The following NNMT variants were observed in gnomAD, a reference collection of about 807,000 sequenced individuals.
The protein encoded by NNMT is nicotinamide N-methyltransferase.
A neutral mutation model predicts 11.7 loss-of-function variants in NNMT; 10 were observed. The observed-to-expected ratio is 0.85, with a 90% CI of 0.53 to 1.45. The LOEUF is 1.45. Ranked by LOEUF, NNMT falls within the 40% of genes most tolerant of loss-of-function variation. The probability of loss-of-function intolerance (pLI) is 0.00; values close to 1 mark genes in which losing one functional copy is unlikely to be tolerated. For missense variants in NNMT, 381 were observed against 319.4 expected, an observed-to-expected ratio of 1.19 and a Z score of -1.47; for synonymous variants, 143 against 133.8, an observed-to-expected ratio of 1.07 and a Z score of -0.48.
chr11:114,265,881 C>T (rs759173729), intron 2 of NNMT, among the ~76,000 whole-genome samples: 27 of 152,142 alleles, frequency 1.8e-4, no homozygotes, highest in Non-Finnish European at 3.7e-4. Context: ...TCCTTGTCAA[C>T]TTCCTGGTGG....
chr11:114,268,878 G>A (rs1945146355), intron 2 of NNMT, among the ~76,000 whole-genome samples: 1 of 152,034 alleles, frequency 6.6e-6, no homozygotes, highest in Admixed American at 6.5e-5. Flanking sequence ...CTGTGTCATA[G>A]GTTTTGTCCG....
intron 2 of NNMT, among the ~76,000 whole-genome samples, chr11:114,306,766 T>A (rs1459885050): frequency 6.6e-6 from 1 of 152,138 alleles, no homozygotes; most frequent in African/African-American, 2.4e-5. Flanking sequence ...GTAGTACAGT[T>A]TGAAGTCAGG....
At chr11:114,306,131 G>C (rs529169733) in intron 2 of NNMT, among the ~76,000 whole-genome samples, 258 of 152,246 alleles carry the variant, frequency 1.7e-3, no homozygotes, top group Non-Finnish European at 2.9e-3. Flanking sequence ...GTGTCTGTTG[G>C]CTGCATAAAT....
chr11:114,294,882 T>A (rs1475571721), upstream of NNMT, among the ~76,000 whole-genome samples: 1 of 152,138 alleles, frequency 6.6e-6, no homozygotes, highest in Non-Finnish European at 1.5e-5. Context: ...TGGCTCTCAG[T>A]GTATAGAAAT....
At chr11:114,284,619 A>G (rs1945283502) in intron 2 of NNMT, among the ~76,000 whole-genome samples, 1 of 151,728 alleles carries the variant, frequency 6.6e-6, no homozygotes. Context: ...ATGTGCCACC[A>G]CACCCGACTG....
chr11:114,286,714 T>C (rs1269335987), intron 2 of NNMT, among the ~76,000 whole-genome samples: 2 of 152,224 alleles, frequency 1.3e-5, no homozygotes, highest in South Asian at 2.1e-4. Context: ...TTGTTTCTAG[T>C]TGGGGGCTGT....
intron 2 of NNMT, among the ~76,000 whole-genome samples, chr11:114,299,406 A>C (rs928859629): frequency 6.6e-6 from 1 of 152,236 alleles, no homozygotes; most frequent in Non-Finnish European, 1.5e-5. Flanking sequence ...TGTGAATTAC[A>C]TTGGAAAATT....
upstream of NNMT, among the ~76,000 whole-genome samples, chr11:114,294,598 G>C (rs554875578): frequency 1.5e-3 from 232 of 152,022 alleles, no homozygotes; most frequent in Admixed American, 4.1e-3. Context: ...AAGTATAATT[G>C]GGTTGTTTGT....
chr11:114,301,200 C>A (rs1189937911), intron 2 of NNMT, among the ~76,000 whole-genome samples: 1 of 152,140 alleles, frequency 6.6e-6, no homozygotes, highest in Non-Finnish European at 1.5e-5. Context: ...CTATTCCTTG[C>A]AAAACTATTC....
rs1945564785 is a variant in NNMT at position 114,312,624 on chromosome 11, C to T, written c.*147C>T. On this transcript the variant is annotated 3_prime_UTR_variant, in exon 3 of 3. Transcript: ENST00000299964. ...GGACGGGACTAGAGAGGTCAGTCTA[C>T]AAGCAATCCATTGACCACTTACTTG... 2 of 713,476 alleles carry T rather than the reference C, an allele frequency of 2.8e-6. No homozygotes were observed. The highest frequency in any genetic ancestry group is 2.8e-5 in the Admixed American group (1 of 35,648). 44.2% of individuals were successfully genotyped at this position (713,476 alleles called of 1,614,324 possible).
chr11:114,288,318 G>A (rs974843558), intron 2 of NNMT, among the ~76,000 whole-genome samples: 4 of 152,104 alleles, frequency 2.6e-5, no homozygotes, highest in South Asian at 2.1e-4. Context: ...ATGGGTCATC[G>A]GGAAGAGTGA....
intron 2 of NNMT, among the ~76,000 whole-genome samples, chr11:114,282,921 T>C (rs180882563): frequency 4.6e-5 from 7 of 152,372 alleles, no homozygotes; most frequent in Non-Finnish European, 2.9e-5. Context: ...CTGATATGCA[T>C]GTTTAGAAGT....
chr11:114,303,727 A>AT (rs921175430), intron 2 of NNMT, among the ~76,000 whole-genome samples: 6 of 151,798 alleles, frequency 4.0e-5, no homozygotes, highest in East Asian at 3.9e-4. Flanking sequence ...AGGCTATTCT[A>AT]TTTTTTTTAG....
Position 114,296,530 on chromosome 11 carries a change from G to A in NNMT, c.-27G>A. ...CTGGAGGAAAGAGAAGGAGGGCAGTGCTCCAGTGGTACAGAAGTGAGACAT... is the reference window on the plus strand; with the variant it reads ...CTGGAGGAAAGAGAAGGAGGGCAGTACTCCAGTGGTACAGAAGTGAGACAT... On this transcript the variant is annotated 5_prime_UTR_variant, in exon 1 of 3. Coordinates refer to ENST00000299964, the MANE Select transcript of NNMT (RefSeq NM_006169.3). 6.2e-7 allele frequency: 1 copy of A among 1,609,674 alleles called. No homozygotes were observed.
At chr11:114,291,808 C>CTT (rs548395280), upstream of NNMT, among the ~76,000 whole-genome samples, 178 of 152,248 alleles carry the variant, frequency 1.2e-3, 1 homozygote, top group African/African-American at 4.1e-3. Context: ...CAGAGTCCAC[C>CTT]TTTACTCTCT....
At chr11:114,278,085 T>C (rs934841411) in intron 2 of NNMT, among the ~76,000 whole-genome samples, 1 of 152,226 alleles carries the variant, frequency 6.6e-6, no homozygotes, top group South Asian at 2.1e-4. Context: ...GGTAAATTTA[T>C]AAAGAAAAGA....
Position 114,313,201 on chromosome 11 carries a change from AG to A in NNMT, c.*726del, listed in dbSNP as rs1945571290. The A allele has an allele frequency of 6.6e-6, 1 of 152,254 alleles. No individual in the cohort carries two copies. The highest frequency in any genetic ancestry group is 2.1e-4 in the South Asian group (1 of 4,830). 9.4% of individuals were successfully genotyped at this position (152,254 alleles called of 1,614,324 possible). A position where few individuals can be genotyped will look rare whatever the true frequency, so the allele number is the denominator to read the frequency against. The stretch of plus-strand genomic sequence containing the variant: ...AAGAGAATTAAAGTGAATTGTGGCC[AG>A]GCACTGTGGCTCATGCCTGTAATCC... On this transcript the variant is annotated 3_prime_UTR_variant, in exon 3 of 3. Transcript: ENST00000299964.
chr11:114,258,400 G>A (rs1180964259), intron 1 of NNMT, among the ~76,000 whole-genome samples: 1 of 152,236 alleles, frequency 6.6e-6, no homozygotes, highest in African/African-American at 2.4e-5. Context: ...GAGGTTTGCT[G>A]AAGACTCAGG....
intron 2 of NNMT, among the ~76,000 whole-genome samples, chr11:114,282,202 C>T (rs1217108568): frequency 6.6e-6 from 1 of 152,094 alleles, no homozygotes; most frequent in African/African-American, 2.4e-5. Flanking sequence ...CCAGCCTGGG[C>T]CACAGAGTGA....
Sources: allele counts gnomAD v4.1 joint callset (sites outside exome capture counted in the v4.1 genomes callset), GRCh38; gene constraint gnomAD v4.1.1; transcripts MANE v1.5; gene names NCBI Gene and HGNC (gene_info 2026-07-23, HGNC 2026-07-21).